ACSL5: variants seen among roughly 807,000 people sequenced by gnomAD.
The protein encoded by ACSL5 is acyl-CoA synthetase long chain family member 5.
In ACSL5, 50 loss-of-function variants were observed where a neutral mutation model predicts 84.9. That is an observed-to-expected ratio of 0.59 (90% confidence interval 0.47 to 0.75). The LOEUF (loss-of-function observed/expected upper bound fraction) is 0.75. Among genes scored for constraint, ACSL5 ranks in the 30% least tolerant of loss-of-function variants. The pLI, the probability that ACSL5 is intolerant of heterozygous loss-of-function variation, is 0.00. For synonymous variants in ACSL5, 280 were observed against 300.7 expected, an observed-to-expected ratio of 0.93 and a Z score of 0.71; for missense variants, 775 against 830.4, an observed-to-expected ratio of 0.93 and a Z score of 0.82.
chr10:112,426,557 A>G (rs778735514), intron 19 of ACSL5, 198 bp downstream of exon 19: 83 of 618,646 alleles, frequency 1.3e-4, no homozygotes, highest in Non-Finnish European at 2.1e-4. Context: ...CATTGTGGGA[A>G]AAGATTGGGA....
At chr10:112,394,713 T>C (rs999857471) in intron 1 of ACSL5, 21 of 982,306 alleles carry the variant, frequency 2.1e-5, no homozygotes, top group South Asian at 4.7e-5. Flanking sequence ...AGGTGGAGAA[T>C]GTGTTCTATT....
At chr10:112,404,405 G>C in intron 3 of ACSL5, 106 bp from the exon 4 acceptor site, 2 of 804,714 alleles carry the variant, frequency 2.5e-6, no homozygotes, top group Non-Finnish European at 4.1e-6. Flanking sequence ...TCAAATCCTT[G>C]TTGGACTTAC....
chr10:112,421,302 ACACCTGCCAT>A (rs1405796166), intron 14 of ACSL5, among the ~76,000 whole-genome samples: 1 of 151,756 alleles, frequency 6.6e-6, no homozygotes, highest in Non-Finnish European at 1.5e-5. Flanking sequence ...GGGATTACAG[ACACCTGCCAT>A]CATGCCCAGC....
rs778579859 is a variant in ACSL5, at chr10:112,382,844, G to A, written c.-30+8575G>A. Among the ~76,000 whole-genome samples, 27 of 152,268 alleles carry A rather than the reference G, an allele frequency of 1.8e-4. 1 individual carries two copies. Among genetic ancestry groups the A allele is most frequent in the African/African-American group, 4.6e-4 (19 of 41,552 alleles). ...TATCACTTATCTTTTAAAAAATTAC[G>A]TAAGCAATCGAATTGAATCTTTCCA... On this transcript the variant is annotated intron_variant, in intron 1 of 20. Transcript: ENST00000354655.
At chr10:112,399,044 C>A in intron 3 of ACSL5, 35 bp downstream of exon 3, 2 of 1,550,476 alleles carry the variant, frequency 1.3e-6, no homozygotes, top group East Asian at 4.5e-5. Flanking sequence ...CTGAAGAAGA[C>A]AAGGTGAGGT....
At chr10:112,393,991 A>G (rs1476918844) in intron 1 of ACSL5, among the ~76,000 whole-genome samples, 1 of 152,156 alleles carries the variant, frequency 6.6e-6, no homozygotes, top group African/African-American at 2.4e-5. Flanking sequence ...CTGCTATTAT[A>G]TTCTCCTAAT....
chr10:112,425,076 T>C (rs1016590453), intron 17 of ACSL5: 2 of 282,552 alleles, frequency 7.1e-6, no homozygotes, highest in Non-Finnish European at 1.3e-5. Context: ...AGGCATCAAT[T>C]TGCATAACTC....
chr10:112,411,407 C>T, intron 9 of ACSL5, 49 bp from the exon 10 acceptor site: 1 of 1,492,002 alleles, frequency 6.7e-7, no homozygotes, highest in Non-Finnish European at 9.3e-7. Context: ...CCAAAGGCTA[C>T]CTATTAGCTA....
chr10:112,421,112 A>G (rs143539450), intron 14 of ACSL5, among the ~76,000 whole-genome samples: 316 of 152,178 alleles, frequency 2.1e-3, no homozygotes, highest in Non-Finnish European at 3.3e-3. Flanking sequence ...GGTAGTAAAT[A>G]CTTTGCAGCT....
chr10:112,385,649 C>T (rs1018392493), intron 1 of ACSL5, among the ~76,000 whole-genome samples: 5 of 152,240 alleles, frequency 3.3e-5, no homozygotes, highest in African/African-American at 1.2e-4. Flanking sequence ...GCAAGCTCTG[C>T]CCTTGCTTTA....
chr10:112,394,652 A>G (rs574225265), intron 1 of ACSL5: 3 of 812,248 alleles, frequency 3.7e-6, no homozygotes, highest in Admixed American at 6.2e-5. Context: ...GAAATGATTA[A>G]CTTGTTTCCT....
In ACSL5 at chr10:112,398,923, C is replaced by T. The variant is rs760140314; in HGVS notation, c.179C>T (p.Ser60Phe). Reference protein sequence around the residue: ...GIEGGARKGVSQKNNDLTSCC... With the variant: ...GIEGGARKGVFQKNNDLTSCC... ...TAGGGAGGAGCACGGAAGGGGGTTT[C>T]CCAGAAGAACAATGACCTAACAAGT... Residue 60 changes from serine (S) to phenylalanine (F), a missense_variant, in exon 3 of 21, where the codon TCC becomes TTC. Ser to Phe is a radical substitution (Grantham distance 155). Transcript: ENST00000354655. 5.0e-6 allele frequency: 8 copies of T among 1,614,014 alleles called. No individual in the cohort carries two copies. The highest frequency in any genetic ancestry group is 6.8e-6 in the Non-Finnish European group (8 of 1,179,988).
intron 2 of ACSL5, among the ~76,000 whole-genome samples, chr10:112,397,991 C>T (rs1843784648): frequency 6.6e-6 from 1 of 151,228 alleles, no homozygotes; most frequent in Admixed American, 6.6e-5. Context: ...AGGAGGGTTA[C>T]CAAAAACATA....
rs772970686 is a variant in ACSL5 at position 112,413,302 on chromosome 10, G to C, written c.1078G>C (p.Asp360His). The change falls in exon 12 of 21, where the codon GAT (aspartate) becomes CAT (histidine). Residue 360 changes from aspartate to histidine, a missense_variant. Physicochemically the swap from Asp to His is moderately conservative, Grantham distance 81. Coordinates refer to ENST00000354655, the MANE Select transcript of ACSL5 (RefSeq NM_203379.2). ...GCCTCGACTCCTTAACAGGATCTAC[G>C]ATAAGGTACTAACTTTCAGCTGAAG... ...AVPRLLNRIYDKVQNEAKTPL... is the reference protein window; with the variant it reads ...AVPRLLNRIYHKVQNEAKTPL... The C allele has an allele frequency of 1.9e-6, 3 of 1,614,036 alleles. No individual in the cohort carries two copies. Among genetic ancestry groups the C allele is most frequent in the Non-Finnish European group, 2.5e-6 (3 of 1,179,958 alleles).
At chr10:112,426,966 T>G (rs1844749350) in intron 20 of ACSL5, 107 bp downstream of exon 20, 1 of 1,088,820 alleles carries the variant, frequency 9.2e-7, no homozygotes, top group African/African-American at 1.6e-5. Flanking sequence ...TGATTTTAGA[T>G]TTTGTGCCAT....
At chr10:112,416,198 G>GC (rs767047391) in intron 12 of ACSL5, among the ~76,000 whole-genome samples, 8 of 152,162 alleles carry the variant, frequency 5.3e-5, no homozygotes, top group African/African-American at 7.2e-5. Flanking sequence ...TGGGCCGGGC[G>GC]TGGTGGCTCA....
At chr10:112,411,611 GACACACACACACACATACAC>G in intron 10 of ACSL5, 82 bp downstream of exon 10, 7 of 1,163,058 alleles carry the variant, frequency 6.0e-6, no homozygotes, top group Admixed American at 2.0e-5. Flanking sequence ...AGAGCAGGCA[GACACACACACACACATACAC>G]ACACACACAC....
chr10:112,402,693 A>G (rs1049772725), intron 3 of ACSL5, among the ~76,000 whole-genome samples: 2 of 151,442 alleles, frequency 1.3e-5, no homozygotes, highest in South Asian at 4.2e-4. Context: ...TTTTTTTCCC[A>G]TCTCTTAGTC....
intron 3 of ACSL5, among the ~76,000 whole-genome samples, chr10:112,401,152 G>A (rs1843878209): frequency 6.6e-6 from 1 of 152,064 alleles, no homozygotes; most frequent in Non-Finnish European, 1.5e-5. Context: ...GGAAGTGGAG[G>A]TTGCAGTGAG....
Sources: allele counts gnomAD v4.1 joint callset (sites outside exome capture counted in the v4.1 genomes callset), GRCh38; gene constraint gnomAD v4.1.1; transcripts MANE v1.5; gene names NCBI Gene and HGNC (gene_info 2026-07-23, HGNC 2026-07-21).